The following NEK9 variants were observed in gnomAD, a reference collection of about 807,000 sequenced individuals.
NEK9 encodes the protein serine/threonine-protein kinase Nek9.
In NEK9, 75 loss-of-function variants were observed where a neutral mutation model predicts 123.4. The observed-to-expected ratio is 0.61, with a 90% CI of 0.50 to 0.74. The LOEUF (loss-of-function observed/expected upper bound fraction) is 0.74, where lower values mean the gene tolerates loss of function less well. Among genes scored for constraint, NEK9 ranks in the 30% least tolerant of loss-of-function variants. The probability of loss-of-function intolerance (pLI) is 0.00; values close to 1 mark genes in which losing one functional copy is unlikely to be tolerated. For synonymous variants in NEK9, 438 were observed against 458.7 expected, an observed-to-expected ratio of 0.95 and a Z score of 0.58; for missense variants, 952 against 1,214.4, an observed-to-expected ratio of 0.78 and a Z score of 3.21.
rs150458883 is a variant in NEK9 at position 75,120,460 on chromosome 14, G to C, written c.524+50C>G. ...GTTGTTGGGGGGGTATCCACGGTAG[G>C]GGCTGAATTGGTAGGGAAGAATCCA... On this transcript the variant is annotated intron_variant, in intron 4 of 21. Transcript: ENST00000238616. 779 of 1,329,752 alleles carry C rather than the reference G, an allele frequency of 5.9e-4. 5 individuals are homozygous for C. In the African/African-American group the frequency reaches 0.01, roughly 18 times the overall value. 82.4% of individuals were successfully genotyped at this position (1,329,752 alleles called of 1,614,324 possible).
At chr14:75,121,578 T>C (rs761345833) in intron 2 of NEK9, among the ~76,000 whole-genome samples, 32 of 152,342 alleles carry the variant, frequency 2.1e-4, no homozygotes, top group South Asian at 1.0e-3. Flanking sequence ...GCTGGGCACA[T>C]TGGCTCACGC....
At chr14:75,099,541 G>A (rs897422896) in intron 16 of NEK9, among the ~76,000 whole-genome samples, 5 of 152,184 alleles carry the variant, frequency 3.3e-5, no homozygotes, top group Admixed American at 2.0e-4. Context: ...CAGCACTTTC[G>A]GAGGCCAAGG....
intron 9 of NEK9, 132 bp downstream of exon 9, chr14:75,110,189 G>C (rs1254705542): frequency 1.4e-6 from 1 of 691,066 alleles, no homozygotes; most frequent in Non-Finnish European, 2.5e-6. Context: ...ATGACTGTCT[G>C]ACATTTAAGC....
intron 16 of NEK9, among the ~76,000 whole-genome samples, chr14:75,100,128 C>CAA (rs71119346): frequency 0.017 from 259 of 15,622 alleles, 115 homozygotes; most frequent in South Asian, 0.031. Context: ...GACTCCATCT[C>CAA]AAAAAAAAAA....
Position 75,110,474 on chromosome 14 carries a change from T to C in NEK9, c.939-103A>G, listed in dbSNP as rs1209431353. On this transcript the variant is annotated intron_variant, in intron 8 of 21. Transcript: ENST00000238616. ...ACAGATTTAATCCTCTTATAAACTGTATGCATCCTACAACATCACAATACT... is the reference window on the plus strand; with the variant it reads ...ACAGATTTAATCCTCTTATAAACTGCATGCATCCTACAACATCACAATACT... 3.6e-6 allele frequency: 3 copies of C among 840,626 alleles called. No homozygotes were observed. In the African/African-American group the frequency reaches 5.1e-5, roughly 14 times the overall value. The allele number at this position is 840,626 out of a possible 1,614,324, so 52.1% of individuals were successfully genotyped here.
At chr14:75,092,731 C>G (rs1894260850) in intron 18 of NEK9, among the ~76,000 whole-genome samples, 2 of 151,712 alleles carry the variant, frequency 1.3e-5, no homozygotes, top group Admixed American at 6.6e-5. Context: ...TTAATATGGG[C>G]CAAATAAAAA....
chr14:75,119,060 A>C (rs1895236746), intron 4 of NEK9, 125 bp from the exon 5 acceptor site: 3 of 631,720 alleles, frequency 4.7e-6, no homozygotes, highest in Admixed American at 2.6e-5. Context: ...TCACATCTGT[A>C]ATCTCAGCAC....
chr14:75,106,284 G>A (rs893179026), intron 12 of NEK9: 6 of 595,834 alleles, frequency 1.0e-5, no homozygotes, highest in Non-Finnish European at 1.5e-5. Flanking sequence ...ACTCGAACTC[G>A]GGAGGTGGTG....
intron 16 of NEK9, among the ~76,000 whole-genome samples, chr14:75,099,336 G>A (rs1210938588): frequency 6.6e-6 from 1 of 151,592 alleles, no homozygotes; most frequent in Non-Finnish European, 1.5e-5. Flanking sequence ...AAAAGAAAAA[G>A]AGAGAAAATG....
intron 12 of NEK9, 141 bp downstream of exon 12, chr14:75,106,361 G>GAAAA (rs34426692): frequency 3.8e-4 from 113 of 300,418 alleles, no homozygotes; most frequent in East Asian, 1.3e-3. Context: ...TCTGTCTCGA[G>GAAAA]AAAAAAAAAA....
chr14:75,099,399 GT>G (rs1398990860), intron 16 of NEK9, among the ~76,000 whole-genome samples: 4 of 151,976 alleles, frequency 2.6e-5, no homozygotes, highest in Non-Finnish European at 5.9e-5. Flanking sequence ...AAATTTAGAA[GT>G]TCAGATGATG....
intron 1 of NEK9, among the ~76,000 whole-genome samples, chr14:75,124,702 T>C (rs548838234): frequency 1.6e-4 from 24 of 151,620 alleles, no homozygotes; most frequent in African/African-American, 4.6e-4. Context: ...ATAAGAGAAG[T>C]CATGACCCCT....
At chr14:75,121,035 A>C (rs745800237) in intron 3 of NEK9, 84 bp downstream of exon 3, 2 of 1,099,708 alleles carry the variant, frequency 1.8e-6, no homozygotes, top group Admixed American at 1.7e-5. Context: ...AACACTCTTC[A>C]CTATTGGAAG....
chr14:75,104,096 G>GA lies in NEK9; in HGVS notation c.1576-100dup, dbSNP rs1338186170. The GA allele has an allele frequency of 7.7e-5, 95 of 1,240,602 alleles. No individual in the cohort carries two copies. In the East Asian group the frequency reaches 2.3e-3, roughly 31 times the overall value. 76.8% of individuals were successfully genotyped at this position (1,240,602 alleles called of 1,614,324 possible). ...CAAAAGAGACATGCTGCATTTAGCAGAATGACTACAGGAAAGTGAGGACTG... is the reference window on the plus strand; with the variant it reads ...CAAAAGAGACATGCTGCATTTAGCAGAAATGACTACAGGAAAGTGAGGACTG... On this transcript the variant is annotated intron_variant, in intron 13 of 21. Transcript: ENST00000238616.
rs148632243 is a variant in NEK9, at chr14:75,101,103, C to T, written c.1891G>A (p.Val631Ile). The change falls in exon 16 of 22, where the codon GTT becomes ATT. Residue 631 changes from valine (V) to isoleucine (I), a missense_variant. Coordinates refer to ENST00000238616, the MANE Select transcript of NEK9 (RefSeq NM_033116.6). Reference protein sequence around the residue: ...FGCNKCGQLGVGNYKKRLGIN... With the variant: ...FGCNKCGQLGIGNYKKRLGIN... ...CCCAGACGCTTCTTGTAGTTCCCAA[C>T]GCCCAGCTGCCCACACTTGTTGCAG... The T allele has an allele frequency of 9.7e-5, 156 of 1,614,248 alleles. 1 individual carries two copies. The African/African-American group carries it at 1.5e-3, about 15-fold the overall frequency.
At chr14:75,110,411 G>C in intron 8 of NEK9, 40 bp from the exon 9 acceptor site, 2 of 1,500,282 alleles carry the variant, frequency 1.3e-6, no homozygotes, top group Non-Finnish European at 1.9e-6. Context: ...TGAAATAATA[G>C]GTTTTTATAT....
rs1439843625 is a variant in NEK9, at chr14:75,101,123, T to C, written c.1871A>G (p.Asn624Ser). Residue 624 changes from asparagine (N) to serine (S), a missense_variant, in exon 16 of 22, where the codon AAC becomes AGC. Around this residue, in one of 4 missense-constraint regions of NEK9, gnomAD observed 698 missense variants for 875.6 expected, o/e 0.80. Coordinates refer to ENST00000238616, the MANE Select transcript of NEK9 (RefSeq NM_033116.6). ...CCCAACGCCCAGCTGCCCACACTTG[T>C]TGCAGCCAAAGGTCAGCAGCCGGCC... ...ERGRLLTFGC[N>S]KCGQLGVGNY... The C allele has an allele frequency of 3.1e-6, 5 of 1,614,234 alleles. No homozygotes were observed. Among genetic ancestry groups the C allele is most frequent in the Non-Finnish European group, 3.4e-6 (4 of 1,180,040 alleles).
intron 20 of NEK9, among the ~76,000 whole-genome samples, chr14:75,087,853 T>C (rs1486325248): frequency 6.6e-6 from 1 of 152,258 alleles, no homozygotes; most frequent in Non-Finnish European, 1.5e-5. Context: ...CTGCCTGTTT[T>C]TGTAAATACA....
At chr14:75,091,866 ACTTAT>A (rs1410396760) in intron 18 of NEK9, among the ~76,000 whole-genome samples, 1 of 152,218 alleles carries the variant, frequency 6.6e-6, no homozygotes, top group Non-Finnish European at 1.5e-5. Flanking sequence ...CTCCATAGAC[ACTTAT>A]CTTATATAAA....
Sources: allele counts gnomAD v4.1 joint callset (sites outside exome capture counted in the v4.1 genomes callset), GRCh38; gene constraint gnomAD v4.1.1; regional missense constraint gnomAD v4.1.1; transcripts MANE v1.5; gene names NCBI Gene and HGNC (gene_info 2026-07-23, HGNC 2026-07-21).